The following EBF3 variants were observed in gnomAD, a reference collection of about 807,000 sequenced individuals.
The protein encoded by EBF3 is transcription factor COE3.
Under a neutral mutation model 77.1 loss-of-function variants are expected in EBF3, and 18 were observed. That is an observed-to-expected ratio of 0.23 (90% CI 0.16 to 0.35). The LOEUF is 0.35. EBF3 is among the 10% of genes least tolerant of loss of function. The probability of loss-of-function intolerance (pLI) is 1.00; values close to 1 mark genes in which losing one functional copy is unlikely to be tolerated. For synonymous variants in EBF3, 350 were observed against 343.5 expected, an observed-to-expected ratio of 1.02 and a Z score of -0.21; for missense variants, 558 against 860.0, an observed-to-expected ratio of 0.65 and a Z score of 4.39.
chr10:129,950,964 T>C (rs1858633113), intron 6 of EBF3, among the ~76,000 whole-genome samples: 1 of 152,236 alleles, frequency 6.6e-6, no homozygotes, highest in Non-Finnish European at 1.5e-5. Flanking sequence ...TTTCCATCAT[T>C]AGAGCTTGGA....
intron 6 of EBF3, among the ~76,000 whole-genome samples, chr10:129,916,905 G>A (rs1855918867): frequency 6.6e-6 from 1 of 152,182 alleles, no homozygotes; most frequent in African/African-American, 2.4e-5. Context: ...TGCAGGGGTG[G>A]GAATGAGGGC....
At chr10:129,869,685 C>A (rs2134090645) in intron 8 of EBF3, among the ~76,000 whole-genome samples, 1 of 152,288 alleles carries the variant, frequency 6.6e-6, no homozygotes, top group South Asian at 2.1e-4. Context: ...GTTTAGCACA[C>A]CGCCGACATG....
chr10:129,881,481 C>T (rs2134148751), intron 6 of EBF3, among the ~76,000 whole-genome samples: 1 of 152,328 alleles, frequency 6.6e-6, no homozygotes, highest in East Asian at 1.9e-4. Flanking sequence ...CTGCTACACG[C>T]CAGGCGCGGC....
intron 11 of EBF3, among the ~76,000 whole-genome samples, chr10:129,846,658 CT>C (rs1428615915): frequency 1.3e-5 from 2 of 152,026 alleles, no homozygotes; most frequent in Admixed American, 6.6e-5. Flanking sequence ...TGATGAATCG[CT>C]TGGCAGTTTA....
chr10:129,962,818 T>C lies in EBF3; in HGVS notation c.355+124A>G, dbSNP rs888086377. The stretch of plus-strand genomic sequence containing the variant: ...TCGTTTATGTTTTGTTTTCCTTCTA[T>C]GCCATGAGAAGATTTCGTGTTTACA... On this transcript the variant is annotated intron_variant, in intron 3 of 16. Coordinates refer to ENST00000440978, the MANE Select transcript of EBF3 (RefSeq NM_001375380.1). The C allele has an allele frequency of 4.4e-6, 5 of 1,134,480 alleles. No individual in the cohort carries two copies. The Admixed American group carries it at 6.4e-5, about 15-fold the overall frequency. 70.3% of individuals were successfully genotyped at this position (1,134,480 alleles called of 1,614,324 possible).
At chr10:129,937,939 AAAT>A (rs1186427168) in intron 6 of EBF3, among the ~76,000 whole-genome samples, 5 of 152,214 alleles carry the variant, frequency 3.3e-5, no homozygotes, top group Admixed American at 6.5e-5. Context: ...CATTTTTTCT[AAAT>A]AATGGTATTT....
Position 129,873,442 on chromosome 10 carries a change from A to T in EBF3, c.781+10T>A. The T allele has an allele frequency of 6.6e-7, 1 of 1,517,248 alleles. No individual in the cohort carries two copies. The highest frequency in any genetic ancestry group is 8.9e-7 in the Non-Finnish European group (1 of 1,129,930). The allele number at this position is 1,517,248 out of a possible 1,614,324, so 94.0% of individuals were successfully genotyped here. Reference sequence around the variant, plus strand: ...TCGCAAATAAAAAAAGACATGTAACATGTGCCTACCATTTTCCAGATAAGA... The same window carrying T: ...TCGCAAATAAAAAAAGACATGTAACTTGTGCCTACCATTTTCCAGATAAGA... On this transcript the variant is annotated intron_variant, in intron 8 of 16. Coordinates refer to ENST00000440978, the MANE Select transcript of EBF3 (RefSeq NM_001375380.1).
chr10:129,856,350 G>C (rs922382716), intron 10 of EBF3, among the ~76,000 whole-genome samples: 1 of 152,090 alleles, frequency 6.6e-6, no homozygotes, highest in African/African-American at 2.4e-5. Flanking sequence ...ATGAATGAAT[G>C]GATAAACAAA....
intron 6 of EBF3, among the ~76,000 whole-genome samples, chr10:129,896,323 G>C (rs533013168): frequency 1.3e-5 from 2 of 152,246 alleles, no homozygotes; most frequent in Non-Finnish European, 2.9e-5. Flanking sequence ...AGCTCAGCTG[G>C]TGCTGGGAAG....
In EBF3 at chr10:129,836,723, C is replaced by T. The variant is rs962906858; in HGVS notation, c.*1220G>A. On this transcript the variant is annotated 3_prime_UTR_variant, in exon 17 of 17. Transcript: ENST00000440978. ...ACAAGTTCTTGGCTAATGCTCTTCC[C>T]AGTATCACAACACCAGGCCGTGATC... 2.0e-5 allele frequency: 3 copies of T among 152,492 alleles called. No individual in the cohort carries two copies. Among genetic ancestry groups the T allele is most frequent in the Admixed American group, 2.0e-4 (3 of 15,268 alleles). 9.4% of individuals were successfully genotyped at this position (152,492 alleles called of 1,614,324 possible).
At chr10:129,905,292 G>T (rs2134262901) in intron 6 of EBF3, among the ~76,000 whole-genome samples, 1 of 152,280 alleles carries the variant, frequency 6.6e-6, no homozygotes, top group East Asian at 1.9e-4. Flanking sequence ...TGTGCTGTTT[G>T]TGTCCAATAC....
chr10:129,898,639 T>A (rs1050302267), intron 6 of EBF3, among the ~76,000 whole-genome samples: 8 of 152,244 alleles, frequency 5.3e-5, no homozygotes, highest in African/African-American at 1.7e-4. Flanking sequence ...ACTGTTGGGA[T>A]GGGCACTTCA....
chr10:129,927,404 A>G (rs1856745663), intron 6 of EBF3, among the ~76,000 whole-genome samples: 1 of 152,216 alleles, frequency 6.6e-6, no homozygotes, highest in Non-Finnish European at 1.5e-5. Context: ...ATCTTCATGC[A>G]ATTGTAATCA....
intron 6 of EBF3, among the ~76,000 whole-genome samples, chr10:129,905,707 C>T (rs886934275): frequency 1.3e-5 from 2 of 152,166 alleles, no homozygotes; most frequent in Non-Finnish European, 2.9e-5. Context: ...GCATCAGCCT[C>T]TCCAGGACGG....
intron 6 of EBF3, among the ~76,000 whole-genome samples, chr10:129,911,198 G>T (rs1013695459): frequency 1.3e-5 from 2 of 152,196 alleles, no homozygotes; most frequent in African/African-American, 4.8e-5. Flanking sequence ...GCCCACGGGT[G>T]GGCCAGGGCC....
At chr10:129,933,297 A>G (rs1857151694) in intron 6 of EBF3, among the ~76,000 whole-genome samples, 1 of 152,212 alleles carries the variant, frequency 6.6e-6, no homozygotes, top group Non-Finnish European at 1.5e-5. Context: ...TTTGAATAAT[A>G]ACTGCTGCGA....
intron 6 of EBF3, among the ~76,000 whole-genome samples, chr10:129,880,012 A>G (rs1472573808): frequency 6.6e-6 from 1 of 152,122 alleles, no homozygotes. Context: ...TTGTGATTTG[A>G]GAGATTTCTC....
chr10:129,924,415 AAAC>A lies in EBF3; in HGVS notation c.554+32840_554+32842del, dbSNP rs1292875897. ...GGGCAACAGAGTGAGACTCCGTCTC[AAAC>A]AACAACAACAACAAAAAAAAAAAAA... is the stretch of plus-strand genomic sequence containing the variant. On this transcript the variant is annotated intron_variant, in intron 6 of 16. Coordinates refer to ENST00000440978, the MANE Select transcript of EBF3 (RefSeq NM_001375380.1). Among the ~76,000 whole-genome samples the A allele has an allele frequency of 8.2e-4, 119 of 144,670 alleles. 2 individuals are homozygous for A. Among genetic ancestry groups the A allele is most frequent in the Middle Eastern group, 7.0e-3 (2 of 286 alleles). 94.9% of individuals were successfully genotyped at this position (144,670 alleles called of 152,430 possible).
At chr10:129,891,179 G>T in intron 6 of EBF3, among the ~76,000 whole-genome samples, 1 of 152,264 alleles carries the variant, frequency 6.6e-6, no homozygotes, top group African/African-American at 2.4e-5. Context: ...TTTAGTCACA[G>T]TATATGGATA....
Sources: allele counts gnomAD v4.1 joint callset (sites outside exome capture counted in the v4.1 genomes callset), GRCh38; gene constraint gnomAD v4.1.1; transcripts MANE v1.5; gene names NCBI Gene and HGNC (gene_info 2026-07-23, HGNC 2026-07-21).